The following GCH1 variants were observed in gnomAD, a reference collection of about 807,000 sequenced individuals.
GCH1 encodes the protein GTP cyclohydrolase 1.
A neutral mutation model predicts 25.9 loss-of-function variants in GCH1; 5 were observed. That is an observed-to-expected ratio of 0.19 (90% CI 0.10 to 0.41). The LOEUF is 0.41. GCH1 is among the 10% of genes least tolerant of loss of function. The pLI is 1.00. For missense variants in GCH1, 261 were observed against 336.5 expected (o/e 0.78, Z 1.75); for synonymous variants, 159 against 129.6 (o/e 1.23, Z -1.54).
At chr14:54,858,442 C>T (rs904982680) in intron 3 of GCH1, among the ~76,000 whole-genome samples, 7 of 152,014 alleles carry the variant, frequency 4.6e-5, no homozygotes, top group Admixed American at 6.6e-5. Context: ...TGCGCCACCA[C>T]GCCCAGCTAA....
At chr14:54,852,720 A>G (rs1486066524) in intron 3 of GCH1, among the ~76,000 whole-genome samples, 2 of 152,182 alleles carry the variant, frequency 1.3e-5, no homozygotes, top group African/African-American at 4.8e-5. Context: ...TTTCGCTTCA[A>G]GTTGCAGTCT....
intron 1 of GCH1, among the ~76,000 whole-genome samples, chr14:54,896,918 C>CAA (rs562487591): frequency 6.2e-4 from 42 of 67,222 alleles, no homozygotes; most frequent in African/African-American, 2.1e-3. Flanking sequence ...GACTTCATCT[C>CAA]AAAAAAAAAA....
intron 1 of GCH1, chr14:54,885,414 C>A (rs2040337543): frequency 4.2e-6 from 1 of 235,940 alleles, no homozygotes. Flanking sequence ...ACAGGAAGTG[C>A]TTTTTCAGGT....
chr14:54,850,624 G>A (rs1381852090), intron 3 of GCH1, among the ~76,000 whole-genome samples: 1 of 152,048 alleles, frequency 6.6e-6, no homozygotes. Flanking sequence ...ATCTCCTAAT[G>A]CTATCCCTCC....
chr14:54,844,985 G>T (rs1566659159), intron 5 of GCH1, among the ~76,000 whole-genome samples: 1 of 152,124 alleles, frequency 6.6e-6, no homozygotes, highest in South Asian at 2.1e-4. Flanking sequence ...CCCCAGCCTG[G>T]CCAACATGGT....
chr14:54,900,888 C>CACAA (rs557528772), intron 1 of GCH1, among the ~76,000 whole-genome samples: 1 of 136,394 alleles, frequency 7.3e-6, no homozygotes, highest in Admixed American at 7.3e-5. Context: ...CACACACACA[C>CACAA]AAATTTAAAG....
At chr14:54,848,872 T>C (rs186945080) in intron 3 of GCH1, among the ~76,000 whole-genome samples, 10 of 152,378 alleles carry the variant, frequency 6.6e-5, no homozygotes, top group Admixed American at 2.0e-4. Context: ...AGGTATGTCA[T>C]ATTTCTTACT....
At chr14:54,882,124 A>C (rs2040281060) in intron 1 of GCH1, among the ~76,000 whole-genome samples, 1 of 152,264 alleles carries the variant, frequency 6.6e-6, no homozygotes, top group African/African-American at 2.4e-5. Context: ...TGATGCAATT[A>C]CTTTACTGCC....
chr14:54,863,244 C>T (rs757612592), intron 2 of GCH1, among the ~76,000 whole-genome samples: 1 of 151,092 alleles, frequency 6.6e-6, no homozygotes, highest in East Asian at 1.9e-4. Context: ...ACCGTGAAAC[C>T]CCTTCTCTAC....
chr14:54,849,753 A>T (rs1198345471), intron 3 of GCH1, among the ~76,000 whole-genome samples: 3 of 152,104 alleles, frequency 2.0e-5, no homozygotes, highest in African/African-American at 7.2e-5. Flanking sequence ...CCAGTCTTCC[A>T]TGTTTCTTAA....
At chr14:54,855,018 GATA>G (rs2039787330) in intron 3 of GCH1, among the ~76,000 whole-genome samples, 1 of 147,546 alleles carries the variant, frequency 6.8e-6, no homozygotes, top group South Asian at 2.3e-4. Flanking sequence ...AGCACACAAA[GATA>G]ATAAAATTTG....
intron 1 of GCH1, among the ~76,000 whole-genome samples, chr14:54,879,479 T>C (rs1482450162): frequency 1.2e-5 from 1 of 81,654 alleles, no homozygotes; most frequent in Non-Finnish European, 2.8e-5. Flanking sequence ...ATAGCAAAAA[T>C]AGAGAAGAGT....
intron 3 of GCH1, among the ~76,000 whole-genome samples, chr14:54,849,629 G>A (rs1453911722): frequency 1.3e-5 from 2 of 152,176 alleles, no homozygotes; most frequent in Non-Finnish European, 2.9e-5. Flanking sequence ...TCTGAAGACC[G>A]ATATTTTGCA....
intron 1 of GCH1, among the ~76,000 whole-genome samples, chr14:54,893,269 G>A (rs1438456135): frequency 6.6e-6 from 1 of 152,138 alleles, no homozygotes; most frequent in East Asian, 1.9e-4. Flanking sequence ...ATATTTGTTT[G>A]CATAACCTGG....
At chr14:54,888,571 G>A (rs971316767) in intron 1 of GCH1, among the ~76,000 whole-genome samples, 3 of 151,212 alleles carry the variant, frequency 2.0e-5, no homozygotes, top group Non-Finnish European at 2.9e-5. Context: ...GGAGTGCAGT[G>A]GCATGATCTC....
chr14:54,880,774 C>CAT (rs1201380481), intron 1 of GCH1, among the ~76,000 whole-genome samples: 5 of 52,264 alleles, frequency 9.6e-5, no homozygotes, highest in African/African-American at 3.2e-4. Context: ...ATATATACTC[C>CAT]ATATATATAT....
intron 2 of GCH1, among the ~76,000 whole-genome samples, chr14:54,861,958 C>A (rs1785542207): frequency 6.6e-6 from 1 of 152,154 alleles, no homozygotes; most frequent in Non-Finnish European, 1.5e-5. Flanking sequence ...AAGATTCCTT[C>A]ATTATCAATT....
chr14:54,867,769 G>A (rs906726300), intron 1 of GCH1, among the ~76,000 whole-genome samples: 8 of 152,064 alleles, frequency 5.3e-5, no homozygotes, highest in Non-Finnish European at 4.4e-5. Context: ...GGCGGAGCAA[G>A]TGCTAGTTAT....
At chr14:54,886,569 G>A (rs996686567) in intron 1 of GCH1, among the ~76,000 whole-genome samples, 16 of 152,138 alleles carry the variant, frequency 1.1e-4, no homozygotes, top group Middle Eastern at 3.2e-3. Flanking sequence ...CCGAGATCGC[G>A]CCACTGCACT....
Sources: allele counts gnomAD v4.1 joint callset (sites outside exome capture counted in the v4.1 genomes callset), GRCh38; gene constraint gnomAD v4.1.1; transcripts MANE v1.5; gene names NCBI Gene and HGNC (gene_info 2026-07-23, HGNC 2026-07-21).